Variants in EXOC4 observed in about 807,000 individuals in gnomAD.
The protein encoded by EXOC4 is exocyst complex component 4.
Under a neutral mutation model 107.2 loss-of-function variants are expected in EXOC4, and 71 were observed. The ratio of observed to expected loss-of-function variants is 0.66; its 90% CI spans 0.55 to 0.81. The LOEUF is 0.81. Among genes scored for constraint, EXOC4 ranks in the 30% least tolerant of loss-of-function variants. The pLI, the probability that EXOC4 is intolerant of heterozygous loss-of-function variation, is 0.00. For synonymous variants in EXOC4, 456 were observed against 441.2 expected (o/e 1.03, Z -0.42); for missense variants, 1,108 against 1,189.6 (o/e 0.93, Z 1.01).
intron 10 of EXOC4, among the ~76,000 whole-genome samples, chr7:133,814,610 A>G (rs1186964436): frequency 1.3e-5 from 2 of 152,190 alleles, no homozygotes; most frequent in African/African-American, 4.8e-5. Context: ...CCTGCCTTCC[A>G]TAAGGGTTGT....
chr7:133,533,182 C>T (rs1342404309), intron 9 of EXOC4, among the ~76,000 whole-genome samples: 1 of 152,084 alleles, frequency 6.6e-6, no homozygotes, highest in Non-Finnish European at 1.5e-5. Flanking sequence ...GGCCACTTAA[C>T]CATTTCTGTT....
chr7:133,447,695 C>T (rs1461282786), intron 7 of EXOC4, among the ~76,000 whole-genome samples: 1 of 151,778 alleles, frequency 6.6e-6, no homozygotes, highest in Non-Finnish European at 1.5e-5. Context: ...ATTTAAAAAT[C>T]ACCCAGAATC....
intron 9 of EXOC4, among the ~76,000 whole-genome samples, chr7:133,506,370 CTG>C (rs1799665529): frequency 6.6e-6 from 1 of 152,082 alleles, no homozygotes; most frequent in African/African-American, 2.4e-5. Flanking sequence ...AGTTTTAAAA[CTG>C]TGTATGTTCC....
At chr7:133,703,919 C>CTG (rs1794715789) in intron 10 of EXOC4, among the ~76,000 whole-genome samples, 1 of 152,328 alleles carries the variant, frequency 6.6e-6, no homozygotes, top group Admixed American at 6.5e-5. Flanking sequence ...TGCTTTCTCA[C>CTG]TGTATAAATC....
rs150412664 is a variant in EXOC4, at chr7:133,840,291, AT to A, written c.1734+22748del. ...TGAAAGAAGCAAGACACAAAAGAAT[AT>A]GTAAAATTTGATTCTATTCGTAACA... On this transcript the variant is annotated intron_variant, in intron 11 of 17. Transcript: ENST00000253861. 5.4e-3 allele frequency among the ~76,000 whole-genome samples: 827 copies of A among 152,302 alleles called. 9 individuals carry two copies. The highest frequency in any genetic ancestry group is 0.019 in the African/African-American group (771 of 41,564).
At chr7:133,310,343 GGAAA>G (rs974940387) in intron 4 of EXOC4, among the ~76,000 whole-genome samples, 23 of 152,090 alleles carry the variant, frequency 1.5e-4, no homozygotes, top group African/African-American at 5.6e-4. Context: ...ATAGGCACTT[GGAAA>G]CTGTGACTTT....
chr7:134,093,340 A>G, the EXOC4 span, among the ~76,000 whole-genome samples: 1 of 152,210 alleles, frequency 6.6e-6, no homozygotes. Flanking sequence ...GCATTACATA[A>G]TGATAAATAA....
chr7:133,640,047 G>A (rs545611154), intron 10 of EXOC4, among the ~76,000 whole-genome samples: 2 of 152,126 alleles, frequency 1.3e-5, no homozygotes, highest in South Asian at 2.1e-4. Flanking sequence ...ACATTCAAAT[G>A]TATAAATCTG....
At chr7:134,047,788 T>C (rs532612101) in intron 17 of EXOC4, among the ~76,000 whole-genome samples, 4 of 152,348 alleles carry the variant, frequency 2.6e-5, no homozygotes, top group Non-Finnish European at 5.9e-5. Context: ...GAGATCATAT[T>C]TGTACTCCTG....
intron 3 of EXOC4, among the ~76,000 whole-genome samples, chr7:133,295,901 A>G (rs760427047): frequency 6.6e-5 from 10 of 152,182 alleles, no homozygotes; most frequent in Non-Finnish European, 1.2e-4. Context: ...TCTGTAGATA[A>G]CAGGAGCTGG....
At chr7:133,960,491 T>C (rs545738369) in intron 14 of EXOC4, among the ~76,000 whole-genome samples, 1 of 152,342 alleles carries the variant, frequency 6.6e-6, no homozygotes, top group Non-Finnish European at 1.5e-5. Flanking sequence ...CTTTTTTTTG[T>C]TGGTAATTTT....
intron 9 of EXOC4, among the ~76,000 whole-genome samples, chr7:133,600,665 AAAAT>A (rs570150368): frequency 1.6e-4 from 24 of 152,266 alleles, no homozygotes; most frequent in South Asian, 4.2e-4. Context: ...AAAGAAAAGC[AAAAT>A]AAATAAATAA....
At chr7:133,764,275 G>A (rs917897468) in intron 10 of EXOC4, among the ~76,000 whole-genome samples, 3 of 151,998 alleles carry the variant, frequency 2.0e-5, no homozygotes, top group Admixed American at 6.6e-5. Flanking sequence ...TTTTCAAGAA[G>A]TGCTGTAAAA....
At position 133,895,706 on chromosome 7, in the gene EXOC4, G is replaced by C. The variant is rs935262676; in HGVS notation, c.1842G>C (p.Glu614Asp). 1.9e-6 allele frequency: 3 copies of C among 1,614,162 alleles called. No homozygotes were observed. In the Admixed American group the frequency reaches 5.0e-5, roughly 27 times the overall value. ...ACATGGTGTGCGTGAAGCTCCAGGAGTACAAGGACACCTGCACTGCAGCTT... is the reference window on the plus strand; with the variant it reads ...ACATGGTGTGCGTGAAGCTCCAGGACTACAAGGACACCTGCACTGCAGCTT... ...FLNMVCVKLQ[E>D]YKDTCTAAYR... Residue 614 changes from glutamate to aspartate, a missense_variant, in exon 12 of 18, where the codon GAG becomes GAC. Coordinates refer to ENST00000253861, the MANE Select transcript of EXOC4 (RefSeq NM_021807.4).
In EXOC4 at chr7:133,470,271, T is replaced by C. The variant is rs111929625; in HGVS notation, c.1183-5057T>C. On this transcript the variant is annotated intron_variant, in intron 7 of 17. Transcript: ENST00000253861. ...CTGCATGTATAACCACAAACAGTTA[T>C]AGGCAAAAGGTTAAAGGAGATTAAA... 1.7e-3 allele frequency among the ~76,000 whole-genome samples: 252 copies of C among 152,312 alleles called. 1 individual carries two copies. The highest frequency in any genetic ancestry group is 5.9e-3 in the African/African-American group (244 of 41,584).
At chr7:133,823,973 G>C (rs1291207876) in intron 11 of EXOC4, among the ~76,000 whole-genome samples, 1 of 132,134 alleles carries the variant, frequency 7.6e-6, no homozygotes, top group Non-Finnish European at 1.6e-5. Flanking sequence ...AATGCAGCCA[G>C]GTTTGTAAAA....
At chr7:133,809,772 A>G (rs1045852374) in intron 10 of EXOC4, among the ~76,000 whole-genome samples, 1 of 152,254 alleles carries the variant, frequency 6.6e-6, no homozygotes, top group African/African-American at 2.4e-5. Flanking sequence ...TTTATGTTGT[A>G]TGATACAGAG....
At chr7:133,744,031 C>G (rs1450544367) in intron 10 of EXOC4, among the ~76,000 whole-genome samples, 2 of 151,812 alleles carry the variant, frequency 1.3e-5, no homozygotes, top group African/African-American at 4.8e-5. Context: ...TCTGTCAGCT[C>G]AAAGTACTTT....
intron 9 of EXOC4, among the ~76,000 whole-genome samples, chr7:133,514,813 A>C (rs1799842055): frequency 6.6e-6 from 1 of 152,158 alleles, no homozygotes; most frequent in Admixed American, 6.5e-5. Context: ...TAATGAGAAA[A>C]ATCTGGGCCC....
Sources: gnomAD v4.1 joint callset for allele counts (sites outside exome capture counted in the v4.1 genomes callset) on GRCh38, gnomAD v4.1.1 for gene constraint, MANE v1.5 for transcripts, NCBI Gene and HGNC (gene_info 2026-07-23, HGNC 2026-07-21) for gene names.